DDX39B: variants seen among roughly 807,000 people sequenced by gnomAD.
DDX39B encodes the protein spliceosome RNA helicase DDX39B.
DDX39B carries 6 observed loss-of-function variants against 46.4 expected under a neutral mutation model. The ratio of observed to expected loss-of-function variants is 0.13; its 90% CI spans 0.07 to 0.26. The LOEUF (loss-of-function observed/expected upper bound fraction) is 0.26. Among genes scored for constraint, DDX39B ranks in the 10% least tolerant of loss-of-function variants. DDX39B has a pLI of 1.00. For missense variants in DDX39B, 185 were observed against 553.4 expected (o/e 0.33, Z 6.68); for synonymous variants, 174 against 199.4 (o/e 0.87, Z 1.07).
chr6:31,541,438 C>A (rs1051043611), intron 1 of DDX39B: 27 of 370,662 alleles, frequency 7.3e-5, no homozygotes, highest in Non-Finnish European at 2.8e-5. Context: ...GGTGAGACTC[C>A]TTTTGGAGAA....
chr6:31,530,996 TACAA>T lies in DDX39B; in HGVS notation c.1122+53_1122+56del, dbSNP rs1412150587. 24 of 1,613,392 alleles carry T rather than the reference TACAA, an allele frequency of 1.5e-5. No individual in the cohort carries two copies. The highest frequency in any genetic ancestry group is 2.0e-5 in the Non-Finnish European group (24 of 1,179,510). ...AGACCCAGAGGCAGGAATGAAGATG[TACAA>T]ACAGAAAACAAGGGAATGGGAGAGT... On this transcript the variant is annotated intron_variant, in intron 9 of 10. Transcript: ENST00000396172. This position sits in a 1 kb window ranked among gnomAD's most constrained non-coding sequence, Gnocchi z 4.5.
chr6:31,535,243 C>A lies in DDX39B; in HGVS notation c.735+124G>T. Reference sequence around the variant, plus strand: ...TGTATGTCTCTTCAAGGAGTCATTACTCCCAGTTGGGCACAAGCCGCCTTC... The same window carrying A: ...TGTATGTCTCTTCAAGGAGTCATTAATCCCAGTTGGGCACAAGCCGCCTTC... On this transcript the variant is annotated intron_variant, in intron 6 of 10. Transcript: ENST00000396172. The surrounding 1 kb of genome is among the most constrained non-coding windows in gnomAD (Gnocchi z 4.6). The A allele has an allele frequency of 1.1e-6, 1 of 880,996 alleles. No homozygotes were observed. The highest frequency in any genetic ancestry group is 1.4e-5 in the South Asian group (1 of 72,972). 54.6% of individuals were successfully genotyped at this position (880,996 alleles called of 1,614,324 possible).
chr6:31,536,244 G>C, intron 5 of DDX39B: 2 of 579,278 alleles, frequency 3.5e-6, no homozygotes, highest in South Asian at 3.8e-5. Context: ...GGTGGTGGTG[G>C]TGATGACTTA....
chr6:31,541,816 C>A, intron 1 of DDX39B, 134 bp downstream of exon 1: 1 of 659,584 alleles, frequency 1.5e-6, no homozygotes, highest in Non-Finnish European at 2.8e-6. Context: ...GGGATGCAAG[C>A]TAAGGAAATA....
chr6:31,539,737 T>C (rs897552525), intron 2 of DDX39B, among the ~76,000 whole-genome samples: 2 of 151,928 alleles, frequency 1.3e-5, no homozygotes, highest in African/African-American at 4.8e-5. Flanking sequence ...GTCATAGAGG[T>C]TTCCAGAGAC....
In DDX39B at chr6:31,531,442, G is replaced by C. The variant is rs773416445; in HGVS notation, c.868-37C>G. The C allele has an allele frequency of 1.3e-6, 2 of 1,580,454 alleles. No homozygotes were observed. The highest frequency in any genetic ancestry group is 1.7e-6 in the Non-Finnish European group (2 of 1,149,840). Reference sequence around the variant, plus strand: ...TGGGGTGGGGGGTCGCAAATTGGGGGAATAGGGGTCCATGGTGTGTGAGAG... The same window carrying C: ...TGGGGTGGGGGGTCGCAAATTGGGGCAATAGGGGTCCATGGTGTGTGAGAG... On this transcript the variant is annotated intron_variant, in intron 7 of 10. Coordinates refer to ENST00000396172, the MANE Select transcript of DDX39B (RefSeq NM_004640.7). This position sits in a 1 kb window ranked among gnomAD's most constrained non-coding sequence, Gnocchi z 5.8.
chr6:31,541,974 G>A lies in DDX39B; in HGVS notation c.-157C>T, dbSNP rs919449202. The A allele has an allele frequency of 1.0e-5, 7 of 674,840 alleles. No homozygotes were observed. The highest frequency in any genetic ancestry group is 1.0e-4 in the Admixed American group (5 of 48,598). 41.8% of individuals were successfully genotyped at this position (674,840 alleles called of 1,614,324 possible). ...CCTAAACAGGGAGAGCGCGTATGGC[G>A]GCAGCAACAGCGACGAAGGAGGGAA... On this transcript the variant is annotated 5_prime_UTR_variant, in exon 1 of 11. Coordinates refer to ENST00000396172, the MANE Select transcript of DDX39B (RefSeq NM_004640.7).
Position 31,530,700 on chromosome 6 carries a change from T to C in DDX39B, c.1270+79A>G. ...GTGTCCATTATGCATCAGATGCCCA[T>C]GACCTATGTGATGGGATTTCGGACA... On this transcript the variant is annotated intron_variant, in intron 10 of 10. Coordinates refer to ENST00000396172, the MANE Select transcript of DDX39B (RefSeq NM_004640.7). The surrounding 1 kb of genome is among the most constrained non-coding windows in gnomAD (Gnocchi z 4.5). 1 of 1,558,066 alleles carries C rather than the reference T, an allele frequency of 6.4e-7. No individual in the cohort carries two copies. The highest frequency in any genetic ancestry group is 2.3e-5 in the East Asian group (1 of 44,374).
In DDX39B at chr6:31,535,024, G is replaced by A; in HGVS notation, c.735+343C>T. 1 of 374,906 alleles carries A rather than the reference G, an allele frequency of 2.7e-6. No individual in the cohort carries two copies. Among genetic ancestry groups the A allele is most frequent in the Non-Finnish European group, 5.1e-6 (1 of 196,996 alleles). The allele number at this position is 374,906 out of a possible 1,614,324, so 23.2% of individuals were successfully genotyped here. On this transcript the variant is annotated intron_variant, in intron 6 of 10. Coordinates refer to ENST00000396172, the MANE Select transcript of DDX39B (RefSeq NM_004640.7). This position sits in a 1 kb window ranked among gnomAD's most constrained non-coding sequence, Gnocchi z 4.6. The stretch of plus-strand genomic sequence containing the variant: ...CCACCTTGAGGGTGCGTGGCTGTAG[G>A]GTGCATGTAAGAGACGATGGATGGG...
intron 1 of DDX39B, 104 bp from the exon 2 acceptor site, chr6:31,540,768 C>G (rs1768322639): frequency 1.7e-6 from 1 of 572,906 alleles, no homozygotes; most frequent in Non-Finnish European, 3.1e-6. Context: ...AAACTTTTAC[C>G]TGGAAAGAAA....
At chr6:31,536,248 T>C (rs983908903) in intron 5 of DDX39B, 1 of 589,034 alleles carries the variant, frequency 1.7e-6, no homozygotes. Flanking sequence ...GTGGTGGTGA[T>C]GACTTATGCC....
At position 31,531,419 on chromosome 6, in the gene DDX39B, G is replaced by C; in HGVS notation, c.868-14C>G. ...AAAGATCACCACCTGTTGTGGGGTG[G>C]GGTGGGGGGTCGCAAATTGGGGGAA... On this transcript the variant is annotated splice_polypyrimidine_tract_variant and intron_variant, in intron 7 of 10. Coordinates refer to ENST00000396172, the MANE Select transcript of DDX39B (RefSeq NM_004640.7). This position sits in a 1 kb window ranked among gnomAD's most constrained non-coding sequence, Gnocchi z 5.8. The C allele has an allele frequency of 1.2e-6, 2 of 1,613,742 alleles. No individual in the cohort carries two copies. The highest frequency in any genetic ancestry group is 2.2e-5 in the East Asian group (1 of 44,864).
intron 4 of DDX39B, among the ~76,000 whole-genome samples, chr6:31,538,124 G>A (rs1247115661): frequency 6.6e-6 from 1 of 152,064 alleles, no homozygotes; most frequent in Admixed American, 6.6e-5. Flanking sequence ...ACCTATGAAG[G>A]ATTCTTGCCA....
chr6:31,537,163 C>T (rs978864480), intron 4 of DDX39B, among the ~76,000 whole-genome samples: 2 of 152,100 alleles, frequency 1.3e-5, no homozygotes, highest in African/African-American at 2.4e-5. Context: ...CAGTGGCTCA[C>T]GCCTGTAATC....
At chr6:31,538,266 C>G (rs1002055197) in intron 4 of DDX39B, among the ~76,000 whole-genome samples, 1 of 152,070 alleles carries the variant, frequency 6.6e-6, no homozygotes, top group African/African-American at 2.4e-5. Flanking sequence ...AGCGATTCCC[C>G]TGCCTCAGCC....
In DDX39B at chr6:31,535,328, G is replaced by A; in HGVS notation, c.735+39C>T. 1 of 1,584,632 alleles carries A rather than the reference G, an allele frequency of 6.3e-7. No individual in the cohort carries two copies. The highest frequency in any genetic ancestry group is 8.7e-7 in the Non-Finnish European group (1 of 1,153,988). On this transcript the variant is annotated intron_variant, in intron 6 of 10. Transcript: ENST00000396172. This position sits in a 1 kb window ranked among gnomAD's most constrained non-coding sequence, Gnocchi z 4.6. ...GGGCGAGGAAGGGGAGGAGGCAGCG[G>A]GCGGGGAGTGGAGGGAGAGAAGGTA... is the stretch of plus-strand genomic sequence containing the variant.
rs1767103735 is a variant in DDX39B, at chr6:31,531,037, A to G, written c.1122+16T>C. On this transcript the variant is annotated intron_variant, in intron 9 of 10. Coordinates refer to ENST00000396172, the MANE Select transcript of DDX39B (RefSeq NM_004640.7). The surrounding 1 kb of genome is among the most constrained non-coding windows in gnomAD (Gnocchi z 5.8). Reference sequence around the variant, plus strand: ...GGGAATGGGAGAGTGGGATTTTTTCAGCCTGTGAGGTTTACCCGATGCAGG... The same window carrying G: ...GGGAATGGGAGAGTGGGATTTTTTCGGCCTGTGAGGTTTACCCGATGCAGG... 8 of 1,613,798 alleles carry G rather than the reference A, an allele frequency of 5.0e-6. No homozygotes were observed. Among genetic ancestry groups the G allele is most frequent in the Non-Finnish European group, 6.8e-6 (8 of 1,179,898 alleles).
chr6:31,535,563 G>T lies in DDX39B; in HGVS notation c.617-78C>A. ...AAAGATTAGAGGTAGACTTCCCAGT[G>T]AGGTGAAGATTGCTGGAAATAGTAA... is the stretch of plus-strand genomic sequence containing the variant. On this transcript the variant is annotated intron_variant, in intron 5 of 10. Coordinates refer to ENST00000396172, the MANE Select transcript of DDX39B (RefSeq NM_004640.7). The surrounding 1 kb of genome is among the most constrained non-coding windows in gnomAD (Gnocchi z 4.6). 8.8e-7 allele frequency: 1 copy of T among 1,135,748 alleles called. No individual in the cohort carries two copies. Among genetic ancestry groups the T allele is most frequent in the Non-Finnish European group, 1.3e-6 (1 of 764,330 alleles). The allele number at this position is 1,135,748 out of a possible 1,614,324, so 70.4% of individuals were successfully genotyped here. A position where few individuals can be genotyped will look rare whatever the true frequency, so the allele number is the denominator to read the frequency against.
intron 6 of DDX39B, 59 bp from the exon 7 acceptor site, chr6:31,532,970 G>T (rs1417494874): frequency 3.5e-6 from 1 of 286,776 alleles, no homozygotes; most frequent in Non-Finnish European, 6.9e-6. Flanking sequence ...GGTTAAACCT[G>T]GGGGGGTGGA....
Sources: allele counts gnomAD v4.1 joint callset (sites outside exome capture counted in the v4.1 genomes callset), GRCh38; gene constraint gnomAD v4.1.1; non-coding constraint Gnocchi (gnomAD v3.1); transcripts MANE v1.5; gene names NCBI Gene and HGNC (gene_info 2026-07-23, HGNC 2026-07-21).